The following TRDN variants were observed in gnomAD, a reference collection of about 807,000 sequenced individuals.
TRDN encodes triadin in skeletal muscle.
Under a neutral mutation model 149.7 loss-of-function variants are expected in TRDN, and 161 were observed. The ratio of observed to expected loss-of-function variants is 1.08; its 90% CI spans 0.95 to 1.23. The LOEUF (loss-of-function observed/expected upper bound fraction) is 1.23, where lower values mean the gene tolerates loss of function less well. TRDN is among the 50% of genes most tolerant of loss of function. The pLI, the probability that TRDN is intolerant of heterozygous loss-of-function variation, is 0.00. For missense variants in TRDN, 896 were observed against 823.5 expected (o/e 1.09, Z -1.08); for synonymous variants, 294 against 250.5 (o/e 1.17, Z -1.64).
At chr6:123,401,356 A>G (rs1772962904) in intron 12 of TRDN, among the ~76,000 whole-genome samples, 1 of 152,174 alleles carries the variant, frequency 6.6e-6, no homozygotes, top group Non-Finnish European at 1.5e-5. Context: ...TTCTAAGCAA[A>G]CGCTTTCTGG....
intron 1 of TRDN, among the ~76,000 whole-genome samples, chr6:123,628,903 G>A (rs899892297): frequency 1.3e-5 from 2 of 151,974 alleles, no homozygotes; most frequent in East Asian, 3.9e-4. Flanking sequence ...TAATACCATA[G>A]AATCTAAAAT....
At chr6:123,351,001 GT>G (rs1425603870) in intron 21 of TRDN, 2 of 984,266 alleles carry the variant, frequency 2.0e-6, no homozygotes, top group African/African-American at 3.5e-5. Flanking sequence ...AAGAAACAAT[GT>G]TTTCAAATCA....
At chr6:123,458,195 T>A (rs906630499) in intron 10 of TRDN, among the ~76,000 whole-genome samples, 7 of 152,212 alleles carry the variant, frequency 4.6e-5, no homozygotes, top group Non-Finnish European at 1.0e-4. Context: ...GTTATACCCT[T>A]TTCTCTTTCA....
intron 1 of TRDN, among the ~76,000 whole-genome samples, chr6:123,572,791 T>G (rs1364233204): frequency 6.6e-6 from 1 of 152,136 alleles, no homozygotes; most frequent in Admixed American, 6.6e-5. Context: ...AAAACTTTGA[T>G]TCAATATAAA....
intron 1 of TRDN, among the ~76,000 whole-genome samples, chr6:123,621,624 T>G (rs1785388113): frequency 6.6e-6 from 1 of 152,102 alleles, no homozygotes; most frequent in African/African-American, 2.4e-5. Context: ...ACAACATAGA[T>G]GACTCTTATA....
intron 12 of TRDN, chr6:123,437,274 C>T: frequency 3.9e-6 from 1 of 254,276 alleles, no homozygotes; most frequent in Non-Finnish European, 7.7e-6. Flanking sequence ...TAATAGGTTT[C>T]TTTCTGACCT....
At chr6:123,488,455 T>C (rs752130746) in intron 9 of TRDN, among the ~76,000 whole-genome samples, 1 of 152,186 alleles carries the variant, frequency 6.6e-6, no homozygotes, top group Admixed American at 6.5e-5. Context: ...TTGACCCCAC[T>C]GTATTCCTAT....
intron 33 of TRDN, 92 bp downstream of exon 33, chr6:123,265,226 C>G: frequency 1.0e-6 from 1 of 969,912 alleles, no homozygotes; most frequent in Non-Finnish European, 1.5e-6. Context: ...ACAAACAGAC[C>G]ATACTATTTA....
At chr6:123,599,517 T>A (rs114729420) in intron 1 of TRDN, among the ~76,000 whole-genome samples, 7 of 152,130 alleles carry the variant, frequency 4.6e-5, no homozygotes, top group Non-Finnish European at 8.8e-5. Context: ...ATACTGTTTT[T>A]AATGCATTCA....
At chr6:123,609,172 C>CA (rs1006408384) in intron 1 of TRDN, among the ~76,000 whole-genome samples, 1 of 149,818 alleles carries the variant, frequency 6.7e-6, no homozygotes, top group African/African-American at 2.5e-5. Context: ...GACTCCATCT[C>CA]AAAAAAACAA....
At chr6:123,283,029 G>C (rs1421283897) in intron 24 of TRDN, among the ~76,000 whole-genome samples, 1 of 151,696 alleles carries the variant, frequency 6.6e-6, no homozygotes, top group Admixed American at 6.6e-5. Context: ...AAACTGAAAA[G>C]ATCCTGGAAA....
chr6:123,390,982 A>C (rs2114452314), intron 13 of TRDN, among the ~76,000 whole-genome samples: 1 of 152,166 alleles, frequency 6.6e-6, no homozygotes, highest in Admixed American at 6.6e-5. Flanking sequence ...CCATCTTTTA[A>C]GCCGAGTTCC....
At chr6:123,481,242 C>T (rs1265972427) in intron 9 of TRDN, among the ~76,000 whole-genome samples, 3 of 151,962 alleles carry the variant, frequency 2.0e-5, no homozygotes, top group Non-Finnish European at 4.4e-5. Flanking sequence ...GTTTCTATGC[C>T]AGATTCCTTT....
chr6:123,283,622 C>T (rs191902403), intron 24 of TRDN, among the ~76,000 whole-genome samples: 3 of 151,520 alleles, frequency 2.0e-5, no homozygotes, highest in African/African-American at 7.2e-5. Flanking sequence ...GGAGATATTA[C>T]AACTGACACC....
chr6:123,484,258 A>G (rs2114778408), intron 9 of TRDN, among the ~76,000 whole-genome samples: 1 of 152,270 alleles, frequency 6.6e-6, no homozygotes, highest in Admixed American at 6.5e-5. Context: ...TTCCATATTT[A>G]AAAATATGTC....
At chr6:123,615,484 A>G (rs1785035720) in intron 1 of TRDN, among the ~76,000 whole-genome samples, 1 of 151,444 alleles carries the variant, frequency 6.6e-6, no homozygotes, top group African/African-American at 2.4e-5. Flanking sequence ...GTGTGTGTGT[A>G]TGTGTGTGTG....
intron 14 of TRDN, among the ~76,000 whole-genome samples, chr6:123,385,341 T>C (rs1582950065): frequency 6.8e-6 from 1 of 147,260 alleles, no homozygotes; most frequent in African/African-American, 2.5e-5. Flanking sequence ...GGCAGGAGAG[T>C]GGCATGAACC....
chr6:123,224,896 C>T (rs912071298), intron 38 of TRDN, among the ~76,000 whole-genome samples: 9 of 151,716 alleles, frequency 5.9e-5, no homozygotes, highest in East Asian at 1.9e-4. Flanking sequence ...CAAAAATAAA[C>T]GATTGGAACT....
intron 5 of TRDN, chr6:123,529,007 A>G: frequency 1.5e-6 from 2 of 1,322,476 alleles, no homozygotes; most frequent in Non-Finnish European, 1.9e-6. Flanking sequence ...TAATTATGGA[A>G]GACTTGCTAG....
Sources: allele counts gnomAD v4.1 joint callset (sites outside exome capture counted in the v4.1 genomes callset), GRCh38; gene constraint gnomAD v4.1.1; transcripts MANE v1.5; gene names NCBI Gene and HGNC (gene_info 2026-07-23, HGNC 2026-07-21).